CFAP99: variants seen among roughly 807,000 people sequenced by gnomAD.
The protein encoded by CFAP99 is cilia- and flagella-associated protein 99.
Under a neutral mutation model 82.7 loss-of-function variants are expected in CFAP99, and 84 were observed. That is an observed-to-expected ratio of 1.02 (90% confidence interval 0.85 to 1.22). The LOEUF is 1.22. CFAP99 is among the 50% of genes most tolerant of loss of function. The probability of loss-of-function intolerance (pLI) is 0.00; values close to 1 mark genes in which losing one functional copy is unlikely to be tolerated. For missense variants in CFAP99, 1,059 were observed against 983.5 expected (o/e 1.08, Z -1.03); for synonymous variants, 456 against 429.5 (o/e 1.06, Z -0.76).
intron 2 of CFAP99, among the ~76,000 whole-genome samples, chr4:2,432,781 C>T (rs1182118611): frequency 6.6e-6 from 1 of 152,244 alleles, no homozygotes; most frequent in East Asian, 1.9e-4. Context: ...GATTTTATCA[C>T]AAACTCAGAG....
intron 11 of CFAP99, among the ~76,000 whole-genome samples, chr4:2,457,229 C>T (rs1734458379): frequency 2.0e-5 from 3 of 152,056 alleles, no homozygotes; most frequent in Admixed American, 6.5e-5. Context: ...AAGCGTGAGC[C>T]GCTGCAGCTG....
chr4:2,459,479 T>C (rs1331771188), intron 13 of CFAP99, among the ~76,000 whole-genome samples: 1 of 152,176 alleles, frequency 6.6e-6, no homozygotes, highest in Non-Finnish European at 1.5e-5. Flanking sequence ...TAGCCAGTCC[T>C]CTATAACTCC....
Position 2,445,315 on chromosome 4 carries a change from G to T in CFAP99, c.642+7G>T, listed in dbSNP as rs749707791. ...CGTGGCCAAGCCGAGACCCGTGAGT[G>T]TGGGCATTCTCAGCAGGCACTGGCT... is the stretch of plus-strand genomic sequence containing the variant. On this transcript the variant is annotated splice_region_variant and intron_variant, in intron 6 of 14. Transcript: ENST00000635017. 6.8e-6 allele frequency: 9 copies of T among 1,331,190 alleles called. No homozygotes were observed. The highest frequency in any genetic ancestry group is 8.6e-6 in the Non-Finnish European group (9 of 1,042,424). 82.5% of individuals were successfully genotyped at this position (1,331,190 alleles called of 1,614,324 possible). A position where few individuals can be genotyped will look rare whatever the true frequency, so the allele number is the denominator to read the frequency against.
chr4:2,462,571 T>C lies in CFAP99; in HGVS notation c.1790T>C (p.Val597Ala). 1 of 1,436,456 alleles carries C rather than the reference T, an allele frequency of 7.0e-7. No individual in the cohort carries two copies. The allele number at this position is 1,436,456 out of a possible 1,614,324, so 89.0% of individuals were successfully genotyped here. A position where few individuals can be genotyped will look rare whatever the true frequency, so the allele number is the denominator to read the frequency against. Residue 597 changes from valine to alanine, a missense_variant, in exon 15 of 15, where the codon GTG becomes GCG. Coordinates refer to ENST00000635017, the Ensembl canonical transcript of CFAP99. The surrounding 1 kb of genome is among the most constrained non-coding windows in gnomAD (Gnocchi z 4.1). ...AGCAGGCAGGCGGCCTTGCTGCACG[T>C]GTCGGCGCCGCGGACCGCGCGCCCC...
At chr4:2,444,567 G>A (rs930086432) in intron 5 of CFAP99, among the ~76,000 whole-genome samples, 15 of 152,228 alleles carry the variant, frequency 9.9e-5, no homozygotes, top group Admixed American at 9.1e-4. Context: ...GGACATGGAA[G>A]GGGGAGCCCC....
Position 2,460,205 on chromosome 4 carries a change from CT to C in CFAP99, c.1625del (p.Leu542ArgfsTer12). The C allele has an allele frequency of 6.5e-7, 1 of 1,536,112 alleles. No individual in the cohort carries two copies. The highest frequency in any genetic ancestry group is 8.7e-7 in the Non-Finnish European group (1 of 1,146,900). On this transcript the variant is annotated frameshift_variant, in exon 14 of 15. Coordinates refer to ENST00000635017, the Ensembl canonical transcript of CFAP99. LOFTEE classifies it low-confidence loss of function (END_TRUNC). Reference sequence around the variant, plus strand: ...GCAGAACATGGTGGAGCAGATCTCGCTGTGCCGTGCAGCCATGGGGAGATCC... The same window carrying C: ...GCAGAACATGGTGGAGCAGATCTCGCGTGCCGTGCAGCCATGGGGAGATCC...
At chr4:2,451,909 G>A (rs755044626) in intron 10 of CFAP99, among the ~76,000 whole-genome samples, 18 of 151,902 alleles carry the variant, frequency 1.2e-4, no homozygotes, top group Non-Finnish European at 2.1e-4. Context: ...ACAAACAAGT[G>A]GATGAAGGGA....
chr4:2,459,400 C>G (rs1734523360), intron 13 of CFAP99, 142 bp downstream of exon 13: 1 of 1,047,192 alleles, frequency 9.5e-7, no homozygotes, highest in African/African-American at 1.6e-5. Context: ...CTCCGTGACT[C>G]AACACCCATG....
At chr4:2,455,064 C>G (rs1023681952) in intron 11 of CFAP99, among the ~76,000 whole-genome samples, 2 of 151,972 alleles carry the variant, frequency 1.3e-5, no homozygotes, top group Non-Finnish European at 2.9e-5. Flanking sequence ...AAACTGCAGG[C>G]GTGCACCACC....
chr4:2,419,259 A>C, intron 1 of CFAP99, among the ~76,000 whole-genome samples, 166 bp downstream of exon 1: 1 of 148,264 alleles, frequency 6.7e-6, no homozygotes, highest in Admixed American at 6.7e-5. Flanking sequence ...TTTTTAAATC[A>C]CCACTATCAG....
chr4:2,460,662 T>C (rs538700498), intron 14 of CFAP99, among the ~76,000 whole-genome samples: 59 of 152,316 alleles, frequency 3.9e-4, no homozygotes, highest in Non-Finnish European at 6.9e-4. Context: ...CAATAGAAAA[T>C]GGAACAAAAA....
At chr4:2,440,105 G>GT in intron 4 of CFAP99, among the ~76,000 whole-genome samples, 2 of 148,814 alleles carry the variant, frequency 1.3e-5, no homozygotes, top group Non-Finnish European at 3.0e-5. Flanking sequence ...GCCTCCCAAA[G>GT]TGTTGGGATT....
Position 2,449,594 on chromosome 4 carries a change from G to T in CFAP99, c.643-76G>T. ...CCCCTTCACCCACATCCACCAAGCT[G>T]TCAGCCCTGGCATTTCTAGGCCCCC... On this transcript the variant is annotated intron_variant, in intron 6 of 14. Coordinates refer to ENST00000635017, the Ensembl canonical transcript of CFAP99. 3 of 1,343,444 alleles carry T rather than the reference G, an allele frequency of 2.2e-6. No individual in the cohort carries two copies. In the Admixed American group the frequency reaches 5.9e-5, roughly 27 times the overall value. The allele number at this position is 1,343,444 out of a possible 1,614,324, so 83.2% of individuals were successfully genotyped here. A position where few individuals can be genotyped will look rare whatever the true frequency, so the allele number is the denominator to read the frequency against.
chr4:2,421,927 C>T (rs1296578882), intron 1 of CFAP99, among the ~76,000 whole-genome samples: 2 of 151,320 alleles, frequency 1.3e-5, no homozygotes, highest in Non-Finnish European at 2.9e-5. Context: ...CGTGGTAGTA[C>T]ATGCCTAGAG....
intron 6 of CFAP99, among the ~76,000 whole-genome samples, chr4:2,449,463 A>G (rs1476336941): frequency 6.7e-6 from 1 of 148,896 alleles, no homozygotes; most frequent in Non-Finnish European, 1.5e-5. Context: ...CCCCACGCCA[A>G]TGACCAGCCT....
intron 14 of CFAP99, 65 bp downstream of exon 14, chr4:2,460,307 C>T: frequency 7.0e-7 from 1 of 1,435,768 alleles, no homozygotes; most frequent in Middle Eastern, 2.0e-4. Flanking sequence ...GCCTGCCTTG[C>T]ACCCTCCTGG....
chr4:2,425,692 G>A (rs771836611), intron 1 of CFAP99, among the ~76,000 whole-genome samples: 3 of 152,158 alleles, frequency 2.0e-5, no homozygotes, highest in Admixed American at 6.5e-5. Flanking sequence ...CAAGGATGAC[G>A]GCCTTTGCTG....
At chr4:2,450,600 C>T (rs888639774) in intron 8 of CFAP99, among the ~76,000 whole-genome samples, 5 of 152,158 alleles carry the variant, frequency 3.3e-5, no homozygotes, top group African/African-American at 7.2e-5. Flanking sequence ...CAGACAGGCT[C>T]GGGGAGAGGC....
rs185150535 is a variant in CFAP99 at position 2,439,953 on chromosome 4, C to T, written c.351+1789C>T. 9.2e-4 allele frequency among the ~76,000 whole-genome samples: 140 copies of T among 151,726 alleles called. 2 individuals carry two copies. The Middle Eastern group carries it at 0.024, about 26-fold the overall frequency. On this transcript the variant is annotated intron_variant, in intron 4 of 14. Transcript: ENST00000635017. Reference sequence around the variant, plus strand: ...CTGCCTCCTGGGTTCAAGTGATTCTCCTGCCTCAGCCTCCCAAGTAGCTGG... The same window carrying T: ...CTGCCTCCTGGGTTCAAGTGATTCTTCTGCCTCAGCCTCCCAAGTAGCTGG...
Sources: gnomAD v4.1 joint callset for allele counts (sites outside exome capture counted in the v4.1 genomes callset) on GRCh38, gnomAD v4.1.1 for gene constraint, Gnocchi (gnomAD v3.1) non-coding constraint, MANE v1.5 for transcripts, NCBI Gene and HGNC (gene_info 2026-07-23, HGNC 2026-07-21) for gene names.